Variants in NFAT5 observed in about 807,000 individuals in gnomAD.
NFAT5 encodes nuclear factor of activated T cells 5, also known as nuclear factor of activated T-cells 5.
A neutral mutation model predicts 166.5 loss-of-function variants in NFAT5; 31 were observed. That is an observed-to-expected ratio of 0.19 (90% CI 0.14 to 0.25). NFAT5 has a LOEUF of 0.25. Ranked by LOEUF, NFAT5 falls within the 10% of genes least tolerant of loss-of-function variation. The pLI is 1.00. For missense variants in NFAT5, 1,449 were observed against 1,821.8 expected, an observed-to-expected ratio of 0.80 and a Z score of 3.72; for synonymous variants, 612 against 639.7, an observed-to-expected ratio of 0.96 and a Z score of 0.65.
chr16:69,670,334 C>T (rs577218931), intron 9 of NFAT5, 46 bp downstream of exon 9: 1 of 1,217,118 alleles, frequency 8.2e-7, no homozygotes, highest in African/African-American at 1.5e-5. Flanking sequence ...ACTCTCTGAG[C>T]AATTCAGTTT....
chr16:69,629,940 A>ATT (rs536349270), intron 3 of NFAT5, among the ~76,000 whole-genome samples: 1 of 139,034 alleles, frequency 7.2e-6, no homozygotes, highest in Non-Finnish European at 1.6e-5. Flanking sequence ...GACCTGGGTA[A>ATT]TTTTTTTTTT....
At chr16:69,594,912 C>T (rs150388853) in intron 2 of NFAT5, among the ~76,000 whole-genome samples, 3 of 152,236 alleles carry the variant, frequency 2.0e-5, no homozygotes, top group East Asian at 3.9e-4. Context: ...GTCTGACATT[C>T]GAGGGCAGGA....
chr16:69,638,074 C>G (rs1487222253), intron 3 of NFAT5, among the ~76,000 whole-genome samples: 2 of 151,952 alleles, frequency 1.3e-5, no homozygotes, highest in Admixed American at 6.6e-5. Context: ...CAAAAATTAT[C>G]TGGGCATGGT....
intron 2 of NFAT5, among the ~76,000 whole-genome samples, chr16:69,599,422 C>G (rs181250869): frequency 2.9e-4 from 44 of 152,144 alleles, no homozygotes; most frequent in Middle Eastern, 3.4e-3. Context: ...CCTAAAAATA[C>G]AATAATTAGC....
At chr16:69,621,795 G>A (rs146476607) in intron 2 of NFAT5, among the ~76,000 whole-genome samples, 6 of 151,894 alleles carry the variant, frequency 4.0e-5, no homozygotes, top group African/African-American at 1.5e-4. Flanking sequence ...GGGAGACTCT[G>A]TCTCTACAAA....
chr16:69,602,136 T>C (rs555854048), intron 2 of NFAT5, among the ~76,000 whole-genome samples: 19 of 152,244 alleles, frequency 1.2e-4, no homozygotes, highest in African/African-American at 4.6e-4. Flanking sequence ...TTTTTTTCAT[T>C]GGGAGAACTC....
At chr16:69,571,854 G>A (rs1377574974) in intron 2 of NFAT5, among the ~76,000 whole-genome samples, 1 of 151,996 alleles carries the variant, frequency 6.6e-6, no homozygotes, top group South Asian at 2.1e-4. Flanking sequence ...CCACCTCCTG[G>A]GTTCACGCCA....
chr16:69,606,640 A>T (rs1170691191), intron 2 of NFAT5, among the ~76,000 whole-genome samples: 1 of 152,108 alleles, frequency 6.6e-6, no homozygotes, highest in East Asian at 1.9e-4. Flanking sequence ...GGGTCGCCTG[A>T]TGCTAGGAGT....
At chr16:69,582,510 A>T (rs2031764587) in intron 2 of NFAT5, among the ~76,000 whole-genome samples, 1 of 150,862 alleles carries the variant, frequency 6.6e-6, no homozygotes, top group Non-Finnish European at 1.5e-5. Context: ...TAGGTATTTG[A>T]TCCATTTTGA....
chr16:69,650,293 T>C (rs2035611052), intron 4 of NFAT5, among the ~76,000 whole-genome samples: 1 of 152,116 alleles, frequency 6.6e-6, no homozygotes, highest in African/African-American at 2.4e-5. Flanking sequence ...CTTTATTTTT[T>C]CTTAAGCCAT....
At position 69,598,433 on chromosome 16, in the gene NFAT5, A is replaced by G. The variant is rs148077914; in HGVS notation, c.128-27970A>G. Among the ~76,000 whole-genome samples, 18 of 151,940 alleles carry G rather than the reference A, an allele frequency of 1.2e-4. 1 individual carries two copies. The East Asian group carries it at 3.3e-3, about 28-fold the overall frequency. On this transcript the variant is annotated intron_variant, in intron 2 of 14. Coordinates refer to ENST00000349945, the MANE Select transcript of NFAT5 (RefSeq NM_138713.4). Reference sequence around the variant, plus strand: ...TTGGGAAAGTGGCCATTTATTCAATATACATTTTGTGCCCAGTGCTTGAAG... The same window carrying G: ...TTGGGAAAGTGGCCATTTATTCAATGTACATTTTGTGCCCAGTGCTTGAAG...
chr16:69,618,471 A>C (rs1385777270), intron 2 of NFAT5, among the ~76,000 whole-genome samples: 1 of 152,242 alleles, frequency 6.6e-6, no homozygotes, highest in African/African-American at 2.4e-5. Flanking sequence ...CATTTTTTCC[A>C]GTAGAGATGC....
intron 2 of NFAT5, 149 bp from the exon 3 acceptor site, chr16:69,626,254 T>A: frequency 1.6e-6 from 1 of 615,474 alleles, no homozygotes; most frequent in East Asian, 3.9e-5. Flanking sequence ...GCTCAGCTGC[T>A]AATAGCTCTT....
intron 2 of NFAT5, among the ~76,000 whole-genome samples, chr16:69,617,931 C>T (rs545417497): frequency 5.9e-5 from 9 of 151,674 alleles, no homozygotes; most frequent in South Asian, 2.1e-4. Flanking sequence ...CCAAGGTGGG[C>T]GGATCACCTG....
intron 4 of NFAT5, chr16:69,648,994 G>A: frequency 1.0e-6 from 1 of 968,312 alleles, no homozygotes; most frequent in Non-Finnish European, 1.2e-6. Flanking sequence ...AAATGAAAAT[G>A]AATATTTAAA....
At chr16:69,654,241 A>G (rs548361198) in intron 5 of NFAT5, among the ~76,000 whole-genome samples, 3 of 152,316 alleles carry the variant, frequency 2.0e-5, no homozygotes, top group South Asian at 2.1e-4. Flanking sequence ...GGCTAGTCAT[A>G]TGGTAGATTC....
chr16:69,642,055 T>C (rs540668110), intron 3 of NFAT5, among the ~76,000 whole-genome samples: 29 of 151,906 alleles, frequency 1.9e-4, no homozygotes, highest in African/African-American at 7.0e-4. Flanking sequence ...GTTGTGATCG[T>C]GCCCCTACAC....
intron 2 of NFAT5, among the ~76,000 whole-genome samples, chr16:69,583,243 C>T (rs1451490837): frequency 1.3e-5 from 2 of 151,950 alleles, no homozygotes; most frequent in African/African-American, 4.8e-5. Context: ...GTCACCCTGG[C>T]TGCTGGAGTG....
At chr16:69,625,758 G>A (rs1031147430) in intron 2 of NFAT5, among the ~76,000 whole-genome samples, 1 of 151,944 alleles carries the variant, frequency 6.6e-6, no homozygotes, top group Admixed American at 6.6e-5. Context: ...TTATACTATT[G>A]CAAAGGAAGA....
Sources: allele counts gnomAD v4.1 joint callset (sites outside exome capture counted in the v4.1 genomes callset), GRCh38; gene constraint gnomAD v4.1.1; transcripts MANE v1.5; gene names NCBI Gene and HGNC (gene_info 2026-07-23, HGNC 2026-07-21).